Variants in PALS2 observed in about 807,000 individuals in gnomAD.
PALS2 encodes protein PALS2.
In PALS2, 27 loss-of-function variants were observed where a neutral mutation model predicts 61.6. That is an observed-to-expected ratio of 0.44 (90% confidence interval 0.32 to 0.60). The LOEUF (loss-of-function observed/expected upper bound fraction) is 0.60. PALS2 is among the 20% of genes least tolerant of loss of function. The pLI is 0.05. For missense variants in PALS2, 554 were observed against 639.4 expected, an observed-to-expected ratio of 0.87 and a Z score of 1.44; for synonymous variants, 236 against 218.6, an observed-to-expected ratio of 1.08 and a Z score of -0.70.
At chr7:24,600,333 A>G (rs1474363327) in intron 1 of PALS2, among the ~76,000 whole-genome samples, 3 of 152,194 alleles carry the variant, frequency 2.0e-5, no homozygotes, top group Non-Finnish European at 4.4e-5. Context: ...GACTGAAATA[A>G]TGTTATGTGG....
intron 1 of PALS2, among the ~76,000 whole-genome samples, chr7:24,594,991 A>G (rs1263880732): frequency 6.6e-6 from 1 of 152,108 alleles, no homozygotes; most frequent in Non-Finnish European, 1.5e-5. Context: ...CAAACATTCA[A>G]TTTTTTTAAA....
At chr7:24,639,715 T>C (rs1213060438) in intron 2 of PALS2, among the ~76,000 whole-genome samples, 1 of 151,896 alleles carries the variant, frequency 6.6e-6, no homozygotes, top group Non-Finnish European at 1.5e-5. Flanking sequence ...ATGATAAATA[T>C]TGAGTGTCCT....
At chr7:24,658,345 G>A (rs1183316946) in intron 5 of PALS2, among the ~76,000 whole-genome samples, 4 of 152,078 alleles carry the variant, frequency 2.6e-5, no homozygotes, top group Non-Finnish European at 5.9e-5. Flanking sequence ...AATATAATAT[G>A]TAAAGTTGAA....
Position 24,600,159 on chromosome 7 carries a change from A to T in PALS2, c.-2-23507A>T, listed in dbSNP as rs983521084. Reference sequence around the variant, plus strand: ...GATCTATGAACATTCCTCTCTAGTAATGAAAACCTTTCATTGTTGGGGTTC... The same window carrying T: ...GATCTATGAACATTCCTCTCTAGTATTGAAAACCTTTCATTGTTGGGGTTC... On this transcript the variant is annotated intron_variant, in intron 1 of 11. Transcript: ENST00000222644. Among the ~76,000 whole-genome samples, 13 of 152,264 alleles carry T rather than the reference A, an allele frequency of 8.5e-5. No individual in the cohort carries two copies. The East Asian group carries it at 2.5e-3, about 29-fold the overall frequency.
At chr7:24,626,010 G>A (rs1174859601) in intron 2 of PALS2, among the ~76,000 whole-genome samples, 1 of 152,102 alleles carries the variant, frequency 6.6e-6, no homozygotes, top group Non-Finnish European at 1.5e-5. Flanking sequence ...GAAATATCTG[G>A]CCACTAATCA....
At chr7:24,623,811 T>C (rs1014752198) in intron 2 of PALS2, 27 bp downstream of exon 2, 1 of 1,430,666 alleles carries the variant, frequency 7.0e-7, no homozygotes, top group Non-Finnish European at 9.6e-7. Flanking sequence ...ATAAGATTAC[T>C]GAATTATTTT....
At position 24,610,412 on chromosome 7, in the gene PALS2, T is replaced by TA. The variant is rs201015204; in HGVS notation, c.-2-13254_-2-13253insA. Reference sequence around the variant, plus strand: ...TAAATTTGAGTTTTTGGGGAACAGATGGTTTGTCCATATATTTTCTTCAAC... The same window carrying TA: ...TAAATTTGAGTTTTTGGGGAACAGATAGGTTTGTCCATATATTTTCTTCAAC... On this transcript the variant is annotated intron_variant, in intron 1 of 11. Coordinates refer to ENST00000222644, the MANE Select transcript of PALS2 (RefSeq NM_001303037.2). Among the ~76,000 whole-genome samples the TA allele has an allele frequency of 5.2e-3, 799 of 152,258 alleles. 7 individuals carry two copies. The highest frequency in any genetic ancestry group is 0.018 in the African/African-American group (731 of 41,544).
chr7:24,620,558 C>A (rs909509331), intron 1 of PALS2, among the ~76,000 whole-genome samples: 1 of 151,870 alleles, frequency 6.6e-6, no homozygotes, highest in African/African-American at 2.4e-5. Flanking sequence ...ATTTCTTTCA[C>A]TTTTCTACTG....
chr7:24,678,498 AAGAT>A (rs529347578), intron 9 of PALS2, among the ~76,000 whole-genome samples: 7 of 152,212 alleles, frequency 4.6e-5, no homozygotes, highest in East Asian at 1.9e-4. Flanking sequence ...GGTAAGATAA[AAGAT>A]AGATAATTTG....
chr7:24,607,033 G>A (rs988306816), intron 1 of PALS2, among the ~76,000 whole-genome samples: 3 of 152,120 alleles, frequency 2.0e-5, no homozygotes, highest in African/African-American at 7.2e-5. Flanking sequence ...GTGGTGTCCT[G>A]TTGGTGCGCA....
Position 24,582,175 on chromosome 7 carries a change from T to G in PALS2, c.-3+8582T>G, listed in dbSNP as rs77750660. On this transcript the variant is annotated intron_variant, in intron 1 of 11. Coordinates refer to ENST00000222644, the MANE Select transcript of PALS2 (RefSeq NM_001303037.2). ...CAGTTTATCATTTTGTTTTGTTGTTTTGTCACTTGCTTTTTTGGGGTCTTC... is the reference window on the plus strand; with the variant it reads ...CAGTTTATCATTTTGTTTTGTTGTTGTGTCACTTGCTTTTTTGGGGTCTTC... Among the ~76,000 whole-genome samples the G allele has an allele frequency of 7.5e-3, 1,148 of 152,374 alleles. 31 individuals are homozygous for G. The East Asian group carries it at 0.09, about 12-fold the overall frequency.
intron 1 of PALS2, among the ~76,000 whole-genome samples, chr7:24,602,278 G>GTT (rs1783747596): frequency 6.6e-6 from 1 of 151,826 alleles, no homozygotes; most frequent in South Asian, 2.1e-4. Flanking sequence ...TTTTATAACT[G>GTT]TTTCTTTTTT....
At chr7:24,576,125 A>T (rs1782634312) in intron 1 of PALS2, among the ~76,000 whole-genome samples, 1 of 152,242 alleles carries the variant, frequency 6.6e-6, no homozygotes, top group African/African-American at 2.4e-5. Flanking sequence ...GAGAAAAATT[A>T]TGCTAGTTTT....
intron 1 of PALS2, 100 bp from the exon 2 acceptor site, chr7:24,623,566 T>G (rs905060977): frequency 3.2e-6 from 2 of 621,948 alleles, no homozygotes; most frequent in African/African-American, 1.9e-5. Context: ...TAATGTCTAG[T>G]TGCATTATTA....
At chr7:24,627,139 A>G (rs1338103878) in intron 2 of PALS2, among the ~76,000 whole-genome samples, 2 of 152,220 alleles carry the variant, frequency 1.3e-5, no homozygotes, top group African/African-American at 4.8e-5. Context: ...CAGCAAATGC[A>G]AAAGAACGGA....
At chr7:24,588,266 C>G (rs1783150634) in intron 1 of PALS2, among the ~76,000 whole-genome samples, 1 of 152,132 alleles carries the variant, frequency 6.6e-6, no homozygotes, top group Non-Finnish European at 1.5e-5. Flanking sequence ...GCTTACAATA[C>G]CATATAGATT....
At chr7:24,670,470 C>G (rs1044039890) in intron 9 of PALS2, among the ~76,000 whole-genome samples, 5 of 152,102 alleles carry the variant, frequency 3.3e-5, no homozygotes, top group African/African-American at 4.8e-5. Context: ...TGGGTTGAAG[C>G]TGTTGTTCCT....
chr7:24,681,705 C>G (rs2128033721), intron 11 of PALS2, among the ~76,000 whole-genome samples: 1 of 152,190 alleles, frequency 6.6e-6, no homozygotes, highest in East Asian at 1.9e-4. Flanking sequence ...CATATTTGTA[C>G]TCATGAAAGC....
intron 5 of PALS2, among the ~76,000 whole-genome samples, chr7:24,660,575 A>G (rs949039457): frequency 2.1e-4 from 32 of 151,938 alleles, no homozygotes; most frequent in African/African-American, 4.8e-4. Context: ...TTTAACGACT[A>G]TATATAGTGC....
Sources: allele counts gnomAD v4.1 joint callset (sites outside exome capture counted in the v4.1 genomes callset), GRCh38; gene constraint gnomAD v4.1.1; transcripts MANE v1.5; gene names NCBI Gene and HGNC (gene_info 2026-07-23, HGNC 2026-07-21).